Variants in PCLO observed in about 807,000 individuals in gnomAD.
PCLO encodes the protein piccolo presynaptic cytomatrix protein.
In PCLO, 82 loss-of-function variants were observed where a neutral mutation model predicts 427.5. That is an observed-to-expected ratio of 0.19 (90% confidence interval 0.16 to 0.23). The LOEUF is 0.23. PCLO is among the 10% of genes least tolerant of loss of function. The pLI, the probability that PCLO is intolerant of heterozygous loss-of-function variation, is 1.00. For missense variants in PCLO, 6,239 were observed against 6,115.9 expected (o/e 1.02, Z -0.67); for synonymous variants, 2,357 against 2,155.4 (o/e 1.09, Z -2.59).
At position 82,954,043 on chromosome 7, in the gene PCLO, C is replaced by T. The variant is rs770194602; in HGVS notation, c.6910G>A (p.Ala2304Thr). The change falls in exon 5 of 25, where the codon GCC becomes ACC. Residue 2304 changes from alanine (A) to threonine (T), a missense_variant. Around this residue, in one of 5 missense-constraint regions of PCLO, gnomAD observed 4,677 missense variants for 4,468.4 expected, o/e 1.05. Transcript: ENST00000333891. ...LISEKDPVKK[A>T]KKETGNGIIL... is the part of the protein sequence containing the mutation. ...ATTCCATTCCCAGTTTCCTTCTTGGCTTTCTTCACTGGGTCCTTTTCAGAT... is the reference window on the plus strand; with the variant it reads ...ATTCCATTCCCAGTTTCCTTCTTGGTTTTCTTCACTGGGTCCTTTTCAGAT... 6 of 1,613,768 alleles carry T rather than the reference C, an allele frequency of 3.7e-6. No homozygotes were observed. In the South Asian group the frequency reaches 4.4e-5, roughly 12 times the overall value.
chr7:82,782,319 C>T (rs1317131271), intron 22 of PCLO, among the ~76,000 whole-genome samples: 1 of 152,178 alleles, frequency 6.6e-6, no homozygotes, highest in African/African-American at 2.4e-5. Context: ...TGTGGAAAAA[C>T]ATGATTTGAG....
chr7:82,851,583 G>GA (rs1405246797), intron 10 of PCLO, among the ~76,000 whole-genome samples: 2 of 150,800 alleles, frequency 1.3e-5, no homozygotes, highest in African/African-American at 2.4e-5. Context: ...ATAAAGAAAT[G>GA]AAAAAAATGC....
In PCLO at chr7:82,902,105, T is replaced by A. The variant is rs560538894; in HGVS notation, c.13528+546A>T. Reference sequence around the variant, plus strand: ...ATACCCAAAGGACTATAAATCATGCTGCTATAAAGACACATGCACACGTAT... The same window carrying A: ...ATACCCAAAGGACTATAAATCATGCAGCTATAAAGACACATGCACACGTAT... On this transcript the variant is annotated intron_variant, in intron 9 of 24. Coordinates refer to ENST00000333891, the MANE Select transcript of PCLO (RefSeq NM_033026.6). Among the ~76,000 whole-genome samples, 103 of 152,098 alleles carry A rather than the reference T, an allele frequency of 6.8e-4. No homozygotes were observed. The East Asian group carries it at 0.017, about 26-fold the overall frequency.
intron 3 of PCLO, among the ~76,000 whole-genome samples, chr7:83,010,415 T>C (rs2115985507): frequency 6.6e-6 from 1 of 151,878 alleles, no homozygotes; most frequent in Admixed American, 6.6e-5. Context: ...AGCACCGATA[T>C]CCAATCCATC....
At chr7:83,020,695 A>AT (rs1788322054) in intron 3 of PCLO, among the ~76,000 whole-genome samples, 1 of 152,178 alleles carries the variant, frequency 6.6e-6, no homozygotes, top group African/African-American at 2.4e-5. Context: ...GTAGTAAAGT[A>AT]TTTTGTTATA....
In PCLO at chr7:82,816,411, A is replaced by C. The variant is rs201955439; in HGVS notation, c.14791+6084T>G. Among the ~76,000 whole-genome samples, 133 of 151,824 alleles carry C rather than the reference A, an allele frequency of 8.8e-4. 1 individual carries two copies. The highest frequency in any genetic ancestry group is 8.6e-3 in the East Asian group (44 of 5,134). On this transcript the variant is annotated intron_variant, in intron 20 of 24. Transcript: ENST00000333891. ...TCTTATTGTACCCTGACTGCCCCCCACTGTGTCTCCATTGGCATTCTCATT... is the reference window on the plus strand; with the variant it reads ...TCTTATTGTACCCTGACTGCCCCCCCCTGTGTCTCCATTGGCATTCTCATT...
rs1796308180 is a variant in PCLO at position 82,988,706 on chromosome 7, CTT to C, written c.3301-22221_3301-22220del. ...ATTTCCTGTTTTCACTATCACAACT[CTT>C]AAATTATGTTTCTAGGGCCATCACA... On this transcript the variant is annotated intron_variant, in intron 3 of 24. Transcript: ENST00000333891. Among the ~76,000 whole-genome samples the C allele has an allele frequency of 2.0e-5, 3 of 152,106 alleles. No individual in the cohort carries two copies. The South Asian group carries it at 6.2e-4, about 31-fold the overall frequency.
Position 83,052,345 on chromosome 7 carries a change from T to TA in PCLO, c.3300+81904dup, listed in dbSNP as rs1028941118. Reference sequence around the variant, plus strand: ...CTGCTTTAAAATAAAATCTATTAAATAAAAAACAAAACAAAACAAAAACCA... The same window carrying TA: ...CTGCTTTAAAATAAAATCTATTAAATAAAAAAACAAAACAAAACAAAAACCA... On this transcript the variant is annotated intron_variant, in intron 3 of 24. Transcript: ENST00000333891. Among the ~76,000 whole-genome samples the TA allele has an allele frequency of 4.7e-4, 72 of 151,850 alleles. 2 individuals are homozygous for TA. Among genetic ancestry groups the TA allele is most frequent in the Middle Eastern group, 3.4e-3 (1 of 292 alleles).
At chr7:82,962,722 C>A (rs186655263) in intron 4 of PCLO, among the ~76,000 whole-genome samples, 5 of 151,688 alleles carry the variant, frequency 3.3e-5, no homozygotes, top group East Asian at 3.9e-4. Flanking sequence ...GAAGTAATTT[C>A]TCTGATTGGA....
At chr7:82,979,702 A>C (rs781012206) in intron 3 of PCLO, among the ~76,000 whole-genome samples, 3 of 152,140 alleles carry the variant, frequency 2.0e-5, no homozygotes, top group Non-Finnish European at 2.9e-5. Context: ...TTTTAAATAG[A>C]TTTAACTTTC....
chr7:82,784,532 T>A (rs1371170459), intron 22 of PCLO, among the ~76,000 whole-genome samples: 1 of 152,214 alleles, frequency 6.6e-6, no homozygotes, highest in Non-Finnish European at 1.5e-5. Flanking sequence ...ACAATTAACA[T>A]CTGTCTCTGC....
At chr7:82,967,197 CTTTTT>C (rs766172385) in intron 3 of PCLO, among the ~76,000 whole-genome samples, 1 of 133,180 alleles carries the variant, frequency 7.5e-6, no homozygotes, top group African/African-American at 2.7e-5. Flanking sequence ...TTCTTCTTTT[CTTTTT>C]TTTTTTTTTT....
At chr7:83,130,611 A>G (rs1791547082) in intron 3 of PCLO, among the ~76,000 whole-genome samples, 1 of 152,092 alleles carries the variant, frequency 6.6e-6, no homozygotes, top group Non-Finnish European at 1.5e-5. Context: ...TGAGTACTGA[A>G]TATATATGCT....
intron 3 of PCLO, among the ~76,000 whole-genome samples, chr7:83,048,614 T>G (rs1789158971): frequency 6.6e-6 from 1 of 152,178 alleles, no homozygotes; most frequent in South Asian, 2.1e-4. Context: ...TTACTTGACA[T>G]TCTTTAAAAA....
chr7:82,790,624 A>T (rs1346977637), intron 22 of PCLO, among the ~76,000 whole-genome samples: 2 of 152,176 alleles, frequency 1.3e-5, no homozygotes, highest in African/African-American at 2.4e-5. Context: ...CTCTATGCCA[A>T]TTGTTCATGA....
intron 6 of PCLO, among the ~76,000 whole-genome samples, chr7:82,936,958 C>G (rs1409225877): frequency 6.6e-6 from 1 of 151,454 alleles, no homozygotes; most frequent in Non-Finnish European, 1.5e-5. Flanking sequence ...TCCATACAGA[C>G]AAAAACACAT....
rs2116614797 is a variant in PCLO, at chr7:83,134,606, A to G, written c.2944T>C (p.Ser982Pro). The G allele has an allele frequency of 1.2e-6, 2 of 1,613,276 alleles. No homozygotes were observed. Among genetic ancestry groups the G allele is most frequent in the Middle Eastern group, 1.6e-4 (1 of 6,062 alleles). ...GGTGCTGGTGGTGCTTGACCTGTGG[A>G]TTTGGGTGGCCCTTGTGAAGTAGGT... ...QPPTSQGPPKSTGQAPPAPAK... is the reference protein window; with the variant it reads ...QPPTSQGPPKPTGQAPPAPAK... Residue 982 changes from serine (S) to proline (P), a missense_variant, in exon 3 of 25, where the codon TCC becomes CCC. By Grantham distance (74) the Ser-to-Pro change is moderately conservative (BLOSUM62 -1). Transcript: ENST00000333891.
At chr7:83,142,744 A>C (rs942933887) in intron 2 of PCLO, among the ~76,000 whole-genome samples, 1 of 152,152 alleles carries the variant, frequency 6.6e-6, no homozygotes, top group Non-Finnish European at 1.5e-5. Flanking sequence ...GGATCACCTG[A>C]GGTCAGGAGT....
chr7:82,816,712 C>T (rs1272888786), intron 20 of PCLO, among the ~76,000 whole-genome samples: 34 of 152,006 alleles, frequency 2.2e-4, no homozygotes. Flanking sequence ...AATTTTGAAG[C>T]CAAGTTTGGT....
Sources: allele counts gnomAD v4.1 joint callset (sites outside exome capture counted in the v4.1 genomes callset), GRCh38; gene constraint gnomAD v4.1.1; regional missense constraint gnomAD v4.1.1; transcripts MANE v1.5; gene names NCBI Gene and HGNC (gene_info 2026-07-23, HGNC 2026-07-21).